Variants in MINAR2 observed in about 807,000 individuals in gnomAD.
MINAR2 encodes major intrinsically disordered NOTCH2-binding receptor 1-like.
A neutral mutation model predicts 16.1 loss-of-function variants in MINAR2; 21 were observed. That is an observed-to-expected ratio of 1.31 (90% CI 0.93 to 1.88). The LOEUF (loss-of-function observed/expected upper bound fraction) is 1.88. Ranked by LOEUF, MINAR2 falls within the 40% of genes most tolerant of loss-of-function variation. The pLI is 0.00. For missense variants in MINAR2, 259 were observed against 229.8 expected, an observed-to-expected ratio of 1.13 and a Z score of -0.82; for synonymous variants, 86 against 83.0, an observed-to-expected ratio of 1.04 and a Z score of -0.20.
intron 2 of MINAR2, among the ~76,000 whole-genome samples, chr5:129,762,062 A>C (rs555304355): frequency 1.2e-3 from 180 of 152,202 alleles, no homozygotes; most frequent in Non-Finnish European, 1.9e-3. Context: ...TACCTAATGC[A>C]TGCGGGACTT....
chr5:129,760,611 C>T lies in MINAR2; in HGVS notation c.393+6C>T. 3.3e-6 allele frequency: 5 copies of T among 1,528,250 alleles called. No individual in the cohort carries two copies. Among genetic ancestry groups the T allele is most frequent in the Non-Finnish European group, 4.4e-6 (5 of 1,140,196 alleles). 94.7% of individuals were successfully genotyped at this position (1,528,250 alleles called of 1,614,324 possible). A position where few individuals can be genotyped will look rare whatever the true frequency, so the allele number is the denominator to read the frequency against. ...ACCTCTCTGGACATCTGAAGGTACTCACGACTAAGAGTCAACCTCTTCAAC... is the reference window on the plus strand; with the variant it reads ...ACCTCTCTGGACATCTGAAGGTACTTACGACTAAGAGTCAACCTCTTCAAC... On this transcript the variant is annotated splice_donor_region_variant and intron_variant, in intron 2 of 2. Transcript: ENST00000564719.
At chr5:129,760,297 T>C (rs1384080865) in intron 1 of MINAR2, 81 bp from the exon 2 acceptor site, 11 of 1,011,218 alleles carry the variant, frequency 1.1e-5, no homozygotes. Context: ...ATCAGCACAT[T>C]ATCAGGTAGT....
intron 1 of MINAR2, among the ~76,000 whole-genome samples, chr5:129,752,679 G>T (rs1034488383): frequency 1.3e-5 from 2 of 151,906 alleles, no homozygotes; most frequent in African/African-American, 4.8e-5. Context: ...CCTTGGCACA[G>T]GTATAACTAT....
At chr5:129,751,886 A>G (rs1191370180) in intron 1 of MINAR2, among the ~76,000 whole-genome samples, 2 of 152,216 alleles carry the variant, frequency 1.3e-5, no homozygotes, top group Non-Finnish European at 2.9e-5. Context: ...TGTGTTTTTC[A>G]AACAACCCCA....
chr5:129,757,064 T>A (rs1375392266), intron 1 of MINAR2, among the ~76,000 whole-genome samples: 2 of 140,540 alleles, frequency 1.4e-5, no homozygotes, highest in Non-Finnish European at 3.0e-5. Flanking sequence ...ATGTATCACC[T>A]AATATATATA....
rs139802157 is a variant in MINAR2, at chr5:129,763,032, A to G, written c.394-1852A>G. On this transcript the variant is annotated intron_variant, in intron 2 of 2. Coordinates refer to ENST00000564719, the MANE Select transcript of MINAR2 (RefSeq NM_001257308.2). ...TTGAATGCTACACTTAGGAAACTGA[A>G]TATTATTGGCAATAGGGAGTAATTT... Among the ~76,000 whole-genome samples the G allele has an allele frequency of 3.8e-3, 576 of 152,320 alleles. 3 individuals are homozygous for G. The highest frequency in any genetic ancestry group is 0.013 in the African/African-American group (560 of 41,580).
chr5:129,754,430 G>A (rs1361934109), intron 1 of MINAR2, among the ~76,000 whole-genome samples: 1 of 152,114 alleles, frequency 6.6e-6, no homozygotes, highest in Non-Finnish European at 1.5e-5. Flanking sequence ...CATGCAAAAT[G>A]CCTTCTTTTC....
chr5:129,754,611 C>T (rs1410404994), intron 1 of MINAR2, among the ~76,000 whole-genome samples: 1 of 152,112 alleles, frequency 6.6e-6, no homozygotes, highest in Non-Finnish European at 1.5e-5. Flanking sequence ...AAAACTATTC[C>T]ATATAATTTG....
intron 1 of MINAR2, among the ~76,000 whole-genome samples, chr5:129,751,520 A>G (rs142822848): frequency 6.6e-4 from 100 of 152,272 alleles, no homozygotes; most frequent in African/African-American, 2.2e-3. Context: ...ATCTAGGAAA[A>G]TAAGCAGTGA....
chr5:129,759,332 A>G (rs1284841693), intron 1 of MINAR2, among the ~76,000 whole-genome samples: 10 of 152,164 alleles, frequency 6.6e-5, no homozygotes, highest in Non-Finnish European at 1.5e-5. Flanking sequence ...AAATTAACTT[A>G]TATGAAATCC....
intron 1 of MINAR2, among the ~76,000 whole-genome samples, chr5:129,751,356 C>A (rs1305209603): frequency 6.6e-6 from 1 of 151,994 alleles, no homozygotes; most frequent in Non-Finnish European, 1.5e-5. Context: ...TTACAGGCAC[C>A]CGCCACCATG....
At chr5:129,757,786 C>A (rs1412149640) in intron 1 of MINAR2, among the ~76,000 whole-genome samples, 1 of 151,914 alleles carries the variant, frequency 6.6e-6, no homozygotes, top group Non-Finnish European at 1.5e-5. Context: ...TTAAAATTCA[C>A]AAATTAGTGA....
Position 129,748,260 on chromosome 5 carries a change from A to T in MINAR2, c.70A>T (p.Thr24Ser). 6.5e-7 allele frequency: 1 copy of T among 1,535,254 alleles called. No homozygotes were observed. Among genetic ancestry groups the T allele is most frequent in the Non-Finnish European group, 8.7e-7 (1 of 1,146,574 alleles). ...KFLQLDVKSL[T>S]RSSALLQASL... The stretch of plus-strand genomic sequence containing the variant: ...CCTGCAGCTTGACGTAAAGTCTTTA[A>T]CGAGGAGCTCAGCCCTCCTTCAGGC... The change falls in exon 1 of 3, where the codon ACG becomes TCG. Residue 24 changes from threonine (T) to serine (S), a missense_variant. Thr to Ser is a moderately conservative substitution (Grantham distance 58). Transcript: ENST00000564719.
intron 2 of MINAR2, among the ~76,000 whole-genome samples, chr5:129,764,461 G>T (rs984441596): frequency 6.6e-6 from 1 of 152,090 alleles, no homozygotes; most frequent in Non-Finnish European, 1.5e-5. Context: ...AACCTCAAAG[G>T]TTCATCTAAA....
chr5:129,765,105 T>C lies in MINAR2; in HGVS notation c.*42T>C. On this transcript the variant is annotated 3_prime_UTR_variant, in exon 3 of 3. Transcript: ENST00000564719. ...AGAGCTACTTTAAATTTCCTAAAAATTTTTCTGATAAACATTTGAAACCCC... is the reference window on the plus strand; with the variant it reads ...AGAGCTACTTTAAATTTCCTAAAAACTTTTCTGATAAACATTTGAAACCCC... 1 of 1,211,568 alleles carries C rather than the reference T, an allele frequency of 8.3e-7. No homozygotes were observed. The highest frequency in any genetic ancestry group is 1.0e-6 in the Non-Finnish European group (1 of 965,632). 75.1% of individuals were successfully genotyped at this position (1,211,568 alleles called of 1,614,324 possible).
intron 1 of MINAR2, among the ~76,000 whole-genome samples, chr5:129,750,300 G>T (rs955690392): frequency 6.6e-6 from 1 of 152,130 alleles, no homozygotes; most frequent in Non-Finnish European, 1.5e-5. Flanking sequence ...ATGATACCAC[G>T]ATAGCATGCC....
chr5:129,757,343 T>C (rs1758068570), intron 1 of MINAR2, among the ~76,000 whole-genome samples: 1 of 151,970 alleles, frequency 6.6e-6, no homozygotes, highest in Non-Finnish European at 1.5e-5. Flanking sequence ...ATTTAGTCAG[T>C]CACAACACCC....
At chr5:129,751,470 A>C (rs985302574) in intron 1 of MINAR2, among the ~76,000 whole-genome samples, 14 of 152,180 alleles carry the variant, frequency 9.2e-5, no homozygotes, top group Non-Finnish European at 1.5e-5. Context: ...GGCCTCCCAA[A>C]GTGCTCAATT....
rs1333701270 is a variant in MINAR2, at chr5:129,765,927, T to C, written c.*864T>C. Reference sequence around the variant, plus strand: ...GCAAGTTATTCTCTCAGAGAAGGAATGATATTACCTGCCCAACAGGGCTGG... The same window carrying C: ...GCAAGTTATTCTCTCAGAGAAGGAACGATATTACCTGCCCAACAGGGCTGG... On this transcript the variant is annotated 3_prime_UTR_variant, in exon 3 of 3. Coordinates refer to ENST00000564719, the MANE Select transcript of MINAR2 (RefSeq NM_001257308.2). 1 of 152,208 alleles carries C rather than the reference T, an allele frequency of 6.6e-6. No homozygotes were observed. Among genetic ancestry groups the C allele is most frequent in the Admixed American group, 6.5e-5 (1 of 15,274 alleles). The allele number at this position is 152,208 out of a possible 1,614,324, so 9.4% of individuals were successfully genotyped here. A position where few individuals can be genotyped will look rare whatever the true frequency, so the allele number is the denominator to read the frequency against.
Sources: gnomAD v4.1 joint callset for allele counts (sites outside exome capture counted in the v4.1 genomes callset) on GRCh38, gnomAD v4.1.1 for gene constraint, MANE v1.5 for transcripts, NCBI Gene and HGNC (gene_info 2026-07-23, HGNC 2026-07-21) for gene names.